The following ZC4H2 variants were observed in gnomAD, a reference collection of about 807,000 sequenced individuals.
ZC4H2 encodes zinc finger C4H2-type containing.
For synonymous variants in ZC4H2, 84 were observed against 66.3 expected (o/e 1.27, Z -1.30); for missense variants, 137 against 173.9 (o/e 0.79, Z 1.19).
At chrX:65,001,492 C>T (rs935502902) in intron 1 of ZC4H2, among the ~76,000 whole-genome samples, 1 of 111,791 alleles carries the variant, frequency 8.9e-6, no homozygotes, top group African/African-American at 3.3e-5. Flanking sequence ...CAAAAACATA[C>T]CAAATTGTAA....
chrX:65,006,801 CTG>C (rs1438040812), intron 1 of ZC4H2, among the ~76,000 whole-genome samples: 10 of 112,105 alleles, frequency 8.9e-5, no homozygotes, highest in African/African-American at 2.9e-4. Context: ...CAGCATATAA[CTG>C]TATTTTAAAC....
At chrX:65,030,724 G>C (rs188584708) in intron 1 of ZC4H2, among the ~76,000 whole-genome samples, 6 of 110,735 alleles carry the variant, frequency 5.4e-5, no homozygotes, top group African/African-American at 2.0e-4. Flanking sequence ...AGCTTGGCTT[G>C]CTTAGTTCAG....
rs754333379 is a variant in ZC4H2, at chrX:64,920,071, G to C, written c.398+10C>G. The C allele has an allele frequency of 9.9e-6, 12 of 1,207,516 alleles. No individual in the cohort carries two copies. Among genetic ancestry groups the C allele is most frequent in the Non-Finnish European group, 1.3e-5 (12 of 893,754 alleles). ...GGGTATGTTGTAGGGACTGGGGGCA[G>C]GTAGCTTACTCCAAGGAAAGCTTCT... On this transcript the variant is annotated intron_variant, in intron 3 of 4. Transcript: ENST00000374839.
At chrX:64,964,644 T>C (rs1272128934) in intron 1 of ZC4H2, among the ~76,000 whole-genome samples, 1 of 111,452 alleles carries the variant, frequency 9.0e-6, no homozygotes, top group African/African-American at 3.3e-5. Flanking sequence ...ATCAGCAAAC[T>C]TGCACTACCA....
chrX:65,030,212 G>C (rs1932920573), intron 1 of ZC4H2, among the ~76,000 whole-genome samples: 1 of 111,364 alleles, frequency 9.0e-6, no homozygotes. Flanking sequence ...CTGTCTCCTG[G>C]GCTTAAGTCA....
At chrX:65,019,391 A>T (rs1329981664) in intron 1 of ZC4H2, among the ~76,000 whole-genome samples, 6 of 112,270 alleles carry the variant, frequency 5.3e-5, no homozygotes, top group African/African-American at 1.9e-4. Context: ...ACCCAGGAAA[A>T]CAGGGTCTGG....
At chrX:64,993,117 C>T (rs1428857990) in intron 1 of ZC4H2, among the ~76,000 whole-genome samples, 2 of 112,452 alleles carry the variant, frequency 1.8e-5, no homozygotes. Context: ...ATTTGAATTT[C>T]AGATAAACAA....
chrX:64,953,432 G>A (rs1930970937), intron 1 of ZC4H2, among the ~76,000 whole-genome samples: 1 of 111,701 alleles, frequency 9.0e-6, no homozygotes, highest in Non-Finnish European at 1.9e-5. Flanking sequence ...TCTGACAAAG[G>A]GCTAATATCC....
chrX:65,019,669 T>C (rs907960196), intron 1 of ZC4H2, among the ~76,000 whole-genome samples: 4 of 111,714 alleles, frequency 3.6e-5, no homozygotes, highest in East Asian at 2.8e-4. Context: ...GGGAACAAAA[T>C]TGGACAGACA....
intron 1 of ZC4H2, among the ~76,000 whole-genome samples, chrX:64,967,097 A>AT (rs1426023297): frequency 9.0e-6 from 1 of 111,534 alleles, no homozygotes; most frequent in Non-Finnish European, 1.9e-5. Context: ...GAGGGAATGG[A>AT]TTTTTTTAAA....
intron 1 of ZC4H2, among the ~76,000 whole-genome samples, chrX:65,003,888 A>C (rs1199912150): frequency 9.0e-6 from 1 of 110,563 alleles, no homozygotes; most frequent in African/African-American, 3.3e-5. Context: ...AAAAAAAAAA[A>C]AAATTATAAA....
chrX:64,966,214 G>C (rs1310796292), intron 1 of ZC4H2, among the ~76,000 whole-genome samples: 3 of 111,823 alleles, frequency 2.7e-5, no homozygotes, highest in Non-Finnish European at 5.6e-5. Context: ...AACAAGATTG[G>C]TCATTAGGAA....
chrX:65,004,501 T>C (rs948971176), intron 1 of ZC4H2, among the ~76,000 whole-genome samples: 8 of 112,137 alleles, frequency 7.1e-5, no homozygotes, highest in African/African-American at 2.6e-4. Context: ...ACTCAATAGA[T>C]GCAGAAAAGG....
intron 1 of ZC4H2, among the ~76,000 whole-genome samples, chrX:64,956,893 A>G (rs1020959394): frequency 2.7e-5 from 3 of 112,292 alleles, no homozygotes; most frequent in African/African-American, 9.7e-5. Flanking sequence ...GTGGGTTTCA[A>G]GACCAAATAA....
At position 64,916,752 on chromosome X, in the gene ZC4H2, A is replaced by T. The variant is rs1454986271; in HGVS notation, c.*1031T>A. 1.8e-5 allele frequency: 2 copies of T among 111,479 alleles called. No individual in the cohort carries two copies. Among genetic ancestry groups the T allele is most frequent in the Non-Finnish European group, 3.8e-5 (2 of 53,094 alleles). 9.2% of individuals were successfully genotyped at this position (111,479 alleles called of 1,213,427 possible). A position where few individuals can be genotyped will look rare whatever the true frequency, so the allele number is the denominator to read the frequency against. ...AAAGGCCACCTGCACAATCCACAGG[A>T]CAGGAGTGGCCAGCAGCTATCCTGA... is the stretch of plus-strand genomic sequence containing the variant. On this transcript the variant is annotated 3_prime_UTR_variant, in exon 5 of 5. Coordinates refer to ENST00000374839, the MANE Select transcript of ZC4H2 (RefSeq NM_018684.4).
At chrX:65,013,120 T>C (rs1932773344) in intron 1 of ZC4H2, among the ~76,000 whole-genome samples, 1 of 111,052 alleles carries the variant, frequency 9.0e-6, no homozygotes, top group Non-Finnish European at 1.9e-5. Flanking sequence ...CAGTTATAAG[T>C]CTCTGATACA....
chrX:64,993,431 G>T (rs941135910), intron 1 of ZC4H2, among the ~76,000 whole-genome samples: 1 of 111,537 alleles, frequency 9.0e-6, no homozygotes, highest in Admixed American at 9.5e-5. Flanking sequence ...CACCCAAGAC[G>T]ATGGTATTAG....
At chrX:64,936,746 C>T (rs1280063211) in intron 1 of ZC4H2, among the ~76,000 whole-genome samples, 1 of 111,728 alleles carries the variant, frequency 9.0e-6, no homozygotes, top group Non-Finnish European at 1.9e-5. Flanking sequence ...CACCACCAGG[C>T]CTGCCTTACA....
At position 64,919,125 on chromosome X, in the gene ZC4H2, C is replaced by T. The variant is rs372946873; in HGVS notation, c.478G>A (p.Ala160Thr). Reference sequence around the variant, plus strand: ...GCCACTTGGAGCTGTTGGGCGGCAGCGGCTGCAGCGGCCAGGGACTCAGGG... The same window carrying T: ...GCCACTTGGAGCTGTTGGGCGGCAGTGGCTGCAGCGGCCAGGGACTCAGGG... ...PIPESLAAAA[A>T]AAQQLQVARK... Residue 160 changes from alanine to threonine, a missense_variant, in exon 4 of 5, where the codon GCT becomes ACT. Physicochemically the swap from Ala to Thr is moderately conservative, Grantham distance 58. Transcript: ENST00000374839. 1.3e-5 allele frequency: 16 copies of T among 1,202,371 alleles called. No individual in the cohort carries two copies. Among genetic ancestry groups the T allele is most frequent in the Admixed American group, 2.2e-5 (1 of 45,114 alleles).
Sources: gnomAD v4.1 joint callset for allele counts (sites outside exome capture counted in the v4.1 genomes callset) on GRCh38, gnomAD v4.1.1 for gene constraint, MANE v1.5 for transcripts, NCBI Gene and HGNC (gene_info 2026-07-23, HGNC 2026-07-21) for gene names.